AKAP6: variants seen among roughly 807,000 people sequenced by gnomAD.
AKAP6 encodes A-kinase anchoring protein 6.
AKAP6 carries 58 observed loss-of-function variants against 188.5 expected under a neutral mutation model. The observed-to-expected ratio is 0.31, with a 90% confidence interval of 0.25 to 0.38. The LOEUF (loss-of-function observed/expected upper bound fraction) is 0.38, where lower values mean the gene tolerates loss of function less well. Ranked by LOEUF, AKAP6 falls within the 10% of genes least tolerant of loss-of-function variation. The pLI, the probability that AKAP6 is intolerant of heterozygous loss-of-function variation, is 1.00. For synonymous variants in AKAP6, 989 were observed against 998.6 expected (o/e 0.99, Z 0.18); for missense variants, 2,710 against 2,740.0 (o/e 0.99, Z 0.24).
intron 7 of AKAP6, among the ~76,000 whole-genome samples, chr14:32,669,265 A>G (rs1006713935): frequency 3.9e-5 from 6 of 152,190 alleles, no homozygotes; most frequent in African/African-American, 1.4e-4. Flanking sequence ...CTTTAGTCCT[A>G]TGACTCCCTG....
At chr14:32,699,743 A>AT (rs1163326610) in intron 9 of AKAP6, among the ~76,000 whole-genome samples, 4 of 152,026 alleles carry the variant, frequency 2.6e-5, no homozygotes, top group African/African-American at 7.2e-5. Context: ...GTCTTTTCTC[A>AT]TTTTTTCTTC....
In AKAP6 at chr14:32,545,475, A is replaced by G; in HGVS notation, c.822A>G (p.Leu274=). 6.2e-7 allele frequency: 1 copy of G among 1,614,216 alleles called. No individual in the cohort carries two copies. The highest frequency in any genetic ancestry group is 8.5e-7 in the Non-Finnish European group (1 of 1,180,022). ...CTGAGCTTATCCGAAGTGTTGGTTTACTTACGGTAGCTGCTGACTCTATCT... is the reference window on the plus strand; with the variant it reads ...CTGAGCTTATCCGAAGTGTTGGTTTGCTTACGGTAGCTGCTGACTCTATCT... The part of the protein sequence containing the change: ...EFPELIRSVG[L]LTVAADSIST... The change falls in exon 4 of 14, where the codon TTA becomes TTG. Residue 274 remains leucine (L), a synonymous_variant. Transcript: ENST00000280979.
At chr14:32,345,359 T>G (rs1488927854) in intron 1 of AKAP6, among the ~76,000 whole-genome samples, 1 of 152,212 alleles carries the variant, frequency 6.6e-6, no homozygotes, top group East Asian at 1.9e-4. Context: ...CCTGAAGGCT[T>G]TTCCACAGGT....
intron 10 of AKAP6, among the ~76,000 whole-genome samples, chr14:32,735,394 T>G (rs574062114): frequency 2.6e-5 from 4 of 152,250 alleles, no homozygotes; most frequent in African/African-American, 4.8e-5. Flanking sequence ...AGTAAGTGAA[T>G]GAGGTCTTCT....
intron 1 of AKAP6, among the ~76,000 whole-genome samples, chr14:32,338,357 T>C (rs1311556555): frequency 6.6e-6 from 1 of 152,106 alleles, no homozygotes; most frequent in Non-Finnish European, 1.5e-5. Flanking sequence ...TCAAAAAAAG[T>C]CTACTCTAGA....
Position 32,811,096 on chromosome 14 carries a change from G to A in AKAP6, c.3589-10306G>A, listed in dbSNP as rs570725128. Reference sequence around the variant, plus strand: ...CTACTAAAAATACAAAAAATTAGCCGGGCATGGTGGTGGGCGCCTGTTGTC... The same window carrying A: ...CTACTAAAAATACAAAAAATTAGCCAGGCATGGTGGTGGGCGCCTGTTGTC... On this transcript the variant is annotated intron_variant, in intron 12 of 13. Transcript: ENST00000280979. Among the ~76,000 whole-genome samples the A allele has an allele frequency of 2.1e-4, 32 of 151,912 alleles. No individual in the cohort carries two copies. In the East Asian group the frequency reaches 2.5e-3, roughly 12 times the overall value.
At chr14:32,525,960 G>C (rs1229563987) in intron 2 of AKAP6, among the ~76,000 whole-genome samples, 2 of 152,192 alleles carry the variant, frequency 1.3e-5, no homozygotes. Flanking sequence ...GCACTAAAAA[G>C]AATAACTACT....
Position 32,735,801 on chromosome 14 carries a change from A to T in AKAP6, c.3291A>T (p.Thr1097=). 6.2e-7 allele frequency: 1 copy of T among 1,613,576 alleles called. No homozygotes were observed. The highest frequency in any genetic ancestry group is 1.3e-5 in the African/African-American group (1 of 74,982). ...IKELKGWLRD[T]ELFIFNSCLR... ...AACTGAAAGGATGGCTAAGAGATAC[A>T]GAGCTTTTCATCTTCAATTCCTGTC... The change falls in exon 11 of 14, where the codon ACA becomes ACT. Residue 1097 remains threonine (T), a synonymous_variant. Transcript: ENST00000280979.
intron 1 of AKAP6, among the ~76,000 whole-genome samples, chr14:32,413,694 T>C (rs1007723281): frequency 6.6e-6 from 1 of 152,170 alleles, no homozygotes; most frequent in Admixed American, 6.6e-5. Flanking sequence ...CATTTCTTCA[T>C]TGATTGATGG....
At chr14:32,564,428 T>C (rs1477092193) in intron 4 of AKAP6, among the ~76,000 whole-genome samples, 1 of 152,198 alleles carries the variant, frequency 6.6e-6, no homozygotes, top group Admixed American at 6.5e-5. Flanking sequence ...TTTTGAACTG[T>C]CCCTCAAACC....
At chr14:32,789,071 G>A (rs1349460441) in intron 12 of AKAP6, among the ~76,000 whole-genome samples, 1 of 152,102 alleles carries the variant, frequency 6.6e-6, no homozygotes, top group African/African-American at 2.4e-5. Flanking sequence ...ACAAGGAAGG[G>A]TCCTCCACAA....
intron 2 of AKAP6, among the ~76,000 whole-genome samples, chr14:32,500,430 C>A (rs1323726682): frequency 6.6e-6 from 1 of 152,124 alleles, no homozygotes; most frequent in Non-Finnish European, 1.5e-5. Context: ...AATAGTGAAC[C>A]AATGATCACT....
At chr14:32,630,062 A>G (rs1887202727) in intron 7 of AKAP6, among the ~76,000 whole-genome samples, 1 of 152,146 alleles carries the variant, frequency 6.6e-6, no homozygotes, top group South Asian at 2.1e-4. Flanking sequence ...CTGGAAATGT[A>G]TTCTGGTGTG....
chr14:32,812,079 C>G (rs1377795793), intron 12 of AKAP6, among the ~76,000 whole-genome samples: 1 of 152,108 alleles, frequency 6.6e-6, no homozygotes. Flanking sequence ...GCAAAAATTA[C>G]ATCCAGGGGT....
intron 4 of AKAP6, among the ~76,000 whole-genome samples, chr14:32,560,896 G>A (rs575535829): frequency 3.3e-5 from 5 of 152,086 alleles, no homozygotes; most frequent in African/African-American, 4.8e-5. Flanking sequence ...GCAAACTGTC[G>A]GGCAGAATGC....
intron 2 of AKAP6, among the ~76,000 whole-genome samples, chr14:32,442,135 C>T (rs1890595433): frequency 2.0e-5 from 3 of 152,132 alleles, no homozygotes; most frequent in African/African-American, 7.2e-5. Flanking sequence ...TACTAGGAGT[C>T]TTACTTATAG....
intron 1 of AKAP6, among the ~76,000 whole-genome samples, chr14:32,371,714 T>C (rs1384146688): frequency 6.6e-6 from 1 of 152,156 alleles, no homozygotes; most frequent in African/African-American, 2.4e-5. Context: ...GGATTAACTG[T>C]TGTTTTTTGA....
At chr14:32,632,809 G>T (rs577777868) in intron 7 of AKAP6, among the ~76,000 whole-genome samples, 2 of 152,188 alleles carry the variant, frequency 1.3e-5, no homozygotes, top group African/African-American at 4.8e-5. Flanking sequence ...GAAAGGCTTG[G>T]AAATGACTTT....
chr14:32,786,298 C>CTTTT (rs1162974012), intron 12 of AKAP6, among the ~76,000 whole-genome samples: 3,834 of 82,484 alleles, frequency 0.046, 472 homozygotes, highest in Non-Finnish European at 0.063. Flanking sequence ...AAACCTTTAT[C>CTTTT]TTTTTTTTTT....
Sources: allele counts gnomAD v4.1 joint callset (sites outside exome capture counted in the v4.1 genomes callset), GRCh38; gene constraint gnomAD v4.1.1; transcripts MANE v1.5; gene names NCBI Gene and HGNC (gene_info 2026-07-23, HGNC 2026-07-21).